Variants in PTPRD observed in about 807,000 individuals in gnomAD.
PTPRD encodes protein tyrosine phosphatase receptor type D.
Under a neutral mutation model 214.5 loss-of-function variants are expected in PTPRD, and 34 were observed. The ratio of observed to expected loss-of-function variants is 0.16; its 90% CI spans 0.12 to 0.21. PTPRD has a LOEUF of 0.21. Among genes scored for constraint, PTPRD ranks in the 10% least tolerant of loss-of-function variants. The pLI, the probability that PTPRD is intolerant of heterozygous loss-of-function variation, is 1.00. For synonymous variants in PTPRD, 1,128 were observed against 845.7 expected (o/e 1.33, Z -5.79); for missense variants, 2,545 against 2,398.7 (o/e 1.06, Z -1.27).
In PTPRD at chr9:8,315,462, A is replaced by G. The variant is rs35927591; in HGVS notation, c.*2412T>C. 1 of 231,776 alleles carries G rather than the reference A, an allele frequency of 4.3e-6. No homozygotes were observed. The highest frequency in any genetic ancestry group is 8.6e-6 in the Non-Finnish European group (1 of 116,936). The allele number at this position is 231,776 out of a possible 1,614,324, so 14.4% of individuals were successfully genotyped here. A position where few individuals can be genotyped will look rare whatever the true frequency, so the allele number is the denominator to read the frequency against. On this transcript the variant is annotated 3_prime_UTR_variant, in exon 46 of 46. Coordinates refer to ENST00000381196, the MANE Select transcript of PTPRD (RefSeq NM_002839.4). ...TCTGTCTGACCCCCTTTGTTTAACT[A>G]AAAGAAAATTATAGCACTGAGTAAT...
chr9:9,149,780 G>A (rs1294889448), intron 10 of PTPRD, among the ~76,000 whole-genome samples: 1 of 152,162 alleles, frequency 6.6e-6, no homozygotes, highest in African/African-American at 2.4e-5. Context: ...TTTCCACCTT[G>A]GGGTGACAGG....
At chr9:9,539,237 G>T (rs2077101248) in intron 8 of PTPRD, among the ~76,000 whole-genome samples, 1 of 151,874 alleles carries the variant, frequency 6.6e-6, no homozygotes, top group Non-Finnish European at 1.5e-5. Flanking sequence ...GCACACTGAA[G>T]AATCAGTGGC....
intron 3 of PTPRD, among the ~76,000 whole-genome samples, chr9:10,307,549 T>C (rs756247289): frequency 3.9e-5 from 6 of 152,044 alleles, no homozygotes; most frequent in Non-Finnish European, 5.9e-5. Context: ...CTTTAATATA[T>C]GGCTTTCTTT....
chr9:8,397,768 T>C lies in PTPRD; in HGVS notation c.4210+6769A>G, dbSNP rs566651683. Reference sequence around the variant, plus strand: ...TATTTATTTTTAACTGGATTTATCTTAGAGGTGGTGATTCCATGTGAGCAG... The same window carrying C: ...TATTTATTTTTAACTGGATTTATCTCAGAGGTGGTGATTCCATGTGAGCAG... On this transcript the variant is annotated intron_variant, in intron 36 of 45. Coordinates refer to ENST00000381196, the MANE Select transcript of PTPRD (RefSeq NM_002839.4). Among the ~76,000 whole-genome samples the C allele has an allele frequency of 7.7e-4, 117 of 152,268 alleles. 1 individual carries two copies. Among genetic ancestry groups the C allele is most frequent in the Middle Eastern group, 6.8e-3 (2 of 294 alleles).
chr9:9,516,077 T>C (rs2096830483), intron 8 of PTPRD, among the ~76,000 whole-genome samples: 1 of 152,156 alleles, frequency 6.6e-6, no homozygotes, highest in Non-Finnish European at 1.5e-5. Context: ...CTTCAAGTTC[T>C]TGGGATAATT....
chr9:10,097,072 G>T (rs1455125994), intron 3 of PTPRD, among the ~76,000 whole-genome samples: 3 of 150,968 alleles, frequency 2.0e-5, no homozygotes, highest in Non-Finnish European at 4.4e-5. Context: ...ATTTCTGAGG[G>T]CTCTGTTCTG....
intron 3 of PTPRD, among the ~76,000 whole-genome samples, chr9:10,122,843 G>A (rs1393484339): frequency 1.3e-5 from 2 of 152,196 alleles, no homozygotes; most frequent in Non-Finnish European, 2.9e-5. Context: ...TAACCACAGT[G>A]ATTATACAGC....
At chr9:9,154,597 T>C (rs1044909998) in intron 10 of PTPRD, among the ~76,000 whole-genome samples, 3 of 152,186 alleles carry the variant, frequency 2.0e-5, no homozygotes, top group Non-Finnish European at 4.4e-5. Flanking sequence ...AATTATTACA[T>C]GAATTTTAAT....
chr9:10,060,897 C>CTTCCTTCCTTCTTTCT (rs1555531626), intron 3 of PTPRD, among the ~76,000 whole-genome samples: 3 of 70,560 alleles, frequency 4.3e-5, no homozygotes, highest in East Asian at 4.9e-4. Context: ...TCCTTCCTTC[C>CTTCCTTCCTTCTTTCT]TTCTTTCTTT....
At chr9:9,156,710 C>T (rs1325499670) in intron 10 of PTPRD, among the ~76,000 whole-genome samples, 3 of 151,614 alleles carry the variant, frequency 2.0e-5, no homozygotes, top group Non-Finnish European at 4.4e-5. Context: ...TATGTGGACC[C>T]AGACTCTTTC....
In PTPRD at chr9:9,443,958, T is replaced by C. The variant is rs575615382; in HGVS notation, c.-236-46476A>G. Among the ~76,000 whole-genome samples the C allele has an allele frequency of 2.6e-5, 4 of 152,334 alleles. No homozygotes were observed. The South Asian group carries it at 8.3e-4, about 32-fold the overall frequency. ...AATGCATAGGGACTTTTTTGTCTAC[T>C]ATACATAATGACAATTTTTCTAACT... On this transcript the variant is annotated intron_variant, in intron 8 of 45. Coordinates refer to ENST00000381196, the MANE Select transcript of PTPRD (RefSeq NM_002839.4).
intron 7 of PTPRD, among the ~76,000 whole-genome samples, chr9:9,588,229 A>T (rs1823429476): frequency 6.6e-6 from 1 of 151,946 alleles, no homozygotes; most frequent in Non-Finnish European, 1.5e-5. Context: ...CTTATCGCTC[A>T]GCAGAATTGG....
chr9:10,265,806 A>G (rs942979227), intron 3 of PTPRD, among the ~76,000 whole-genome samples: 1 of 152,232 alleles, frequency 6.6e-6, no homozygotes, highest in African/African-American at 2.4e-5. Context: ...GTTATATATC[A>G]AAACCTAACT....
At chr9:10,306,456 A>G (rs2096072347) in intron 3 of PTPRD, among the ~76,000 whole-genome samples, 1 of 152,014 alleles carries the variant, frequency 6.6e-6, no homozygotes, top group Non-Finnish European at 1.5e-5. Context: ...TAATGGGAAA[A>G]ATGGCTAGTA....
At position 8,623,495 on chromosome 9, in the gene PTPRD, G is replaced by C. The variant is rs1300922944; in HGVS notation, c.352+9822C>G. On this transcript the variant is annotated intron_variant, in intron 14 of 45. Transcript: ENST00000381196. Reference sequence around the variant, plus strand: ...CAGCCTTAGCAAGATAATTCTGCCTGTGCCAAAAAGTTCTGCTTCACAAAT... The same window carrying C: ...CAGCCTTAGCAAGATAATTCTGCCTCTGCCAAAAAGTTCTGCTTCACAAAT... Among the ~76,000 whole-genome samples the C allele has an allele frequency of 2.0e-5, 3 of 151,866 alleles. No homozygotes were observed. The East Asian group carries it at 5.8e-4, about 29-fold the overall frequency.
intron 11 of PTPRD, among the ~76,000 whole-genome samples, chr9:8,801,524 C>A (rs1239194000): frequency 1.3e-5 from 2 of 152,086 alleles, no homozygotes; most frequent in African/African-American, 4.8e-5. Flanking sequence ...TGAGACCAGC[C>A]TGACCAACAG....
At chr9:8,320,958 A>G (rs549429693) in intron 44 of PTPRD, among the ~76,000 whole-genome samples, 11 of 152,246 alleles carry the variant, frequency 7.2e-5, no homozygotes, top group Admixed American at 7.2e-4. Flanking sequence ...TAGAAAATAG[A>G]TGGATTCATT....
At chr9:9,040,724 T>C (rs2099637098) in intron 10 of PTPRD, among the ~76,000 whole-genome samples, 1 of 152,206 alleles carries the variant, frequency 6.6e-6, no homozygotes. Flanking sequence ...ACAGTCATAA[T>C]ATCTGTTTAA....
intron 11 of PTPRD, among the ~76,000 whole-genome samples, chr9:8,785,032 C>A (rs565962337): frequency 7.4e-4 from 113 of 152,152 alleles, no homozygotes; most frequent in African/African-American, 2.6e-3. Context: ...GCCAGTCCTG[C>A]CTTCTGAGAC....
Sources: gnomAD v4.1 joint callset for allele counts (sites outside exome capture counted in the v4.1 genomes callset) on GRCh38, gnomAD v4.1.1 for gene constraint, MANE v1.5 for transcripts, NCBI Gene and HGNC (gene_info 2026-07-23, HGNC 2026-07-21) for gene names.